Variants in ATP10B observed in about 807,000 individuals in gnomAD.
ATP10B encodes ATPase phospholipid transporting 10B (putative), also known as phospholipid-transporting ATPase VB.
ATP10B carries 122 observed loss-of-function variants against 141.2 expected under a neutral mutation model. That is an observed-to-expected ratio of 0.86 (90% confidence interval 0.75 to 1.00). ATP10B has a LOEUF of 1.00. Among genes scored for constraint, ATP10B ranks in the 50% least tolerant of loss-of-function variants. The pLI is 0.00. For synonymous variants in ATP10B, 685 were observed against 692.0 expected, an observed-to-expected ratio of 0.99 and a Z score of 0.16; for missense variants, 1,876 against 1,825.3, an observed-to-expected ratio of 1.03 and a Z score of -0.51.
chr5:160,661,303 AC>A (rs1278222135), intron 7 of ATP10B, among the ~76,000 whole-genome samples: 1 of 152,198 alleles, frequency 6.6e-6, no homozygotes, highest in Non-Finnish European at 1.5e-5. Context: ...TAAATGGGGC[AC>A]TTACAGAATA....
At chr5:160,639,143 C>A (rs939481298) in intron 10 of ATP10B, 1 of 152,324 alleles carries the variant, frequency 6.6e-6, no homozygotes, top group Non-Finnish European at 1.5e-5. Context: ...CAGCTGCCTG[C>A]CACATCCAGC....
chr5:160,591,688 ATT>A (rs1358331237), intron 22 of ATP10B, among the ~76,000 whole-genome samples: 1 of 152,178 alleles, frequency 6.6e-6, no homozygotes, highest in Admixed American at 6.5e-5. Flanking sequence ...CTTCTCAGGC[ATT>A]AATCTTTGTG....
chr5:160,789,289 C>T (rs1357354964), intron 1 of ATP10B, among the ~76,000 whole-genome samples: 1 of 151,886 alleles, frequency 6.6e-6, no homozygotes, highest in East Asian at 2.0e-4. Context: ...GGGATATGTT[C>T]TAAGAAATGC....
At chr5:160,860,643 C>T in the ATP10B span, among the ~76,000 whole-genome samples, 1 of 151,884 alleles carries the variant, frequency 6.6e-6, no homozygotes. Flanking sequence ...CTGCAGGTTG[C>T]CTTAGTGGAT....
intron 1 of ATP10B, among the ~76,000 whole-genome samples, chr5:160,848,350 GTATCACTCCCATTTGATAGATGAGAAAA>G (rs1227427570): frequency 1.2e-4 from 19 of 152,240 alleles, no homozygotes; most frequent in African/African-American, 4.6e-4. Flanking sequence ...TATGATGTTG[GTATCACTCCCATTTGATAGATGAGAAAA>G]TTGAGGCTTA....
intron 24 of ATP10B, among the ~76,000 whole-genome samples, chr5:160,579,977 T>C (rs1320023726): frequency 1.3e-5 from 2 of 152,180 alleles, no homozygotes; most frequent in African/African-American, 2.4e-5. Flanking sequence ...CTATTATTGG[T>C]GTATAGGAAT....
chr5:160,694,038 AAG>A (rs1764229596), intron 3 of ATP10B, among the ~76,000 whole-genome samples: 1 of 152,184 alleles, frequency 6.6e-6, no homozygotes, highest in Admixed American at 6.5e-5. Context: ...TGCTGAGGGC[AAG>A]AGAGAGTCTG....
chr5:160,869,564 T>A, the ATP10B span, among the ~76,000 whole-genome samples: 1 of 152,178 alleles, frequency 6.6e-6, no homozygotes, highest in African/African-American at 2.4e-5. Context: ...TGTAAGGATC[T>A]TAGAACTCAA....
At chr5:160,647,135 G>A (rs1004290390) in intron 8 of ATP10B, among the ~76,000 whole-genome samples, 1 of 152,166 alleles carries the variant, frequency 6.6e-6, no homozygotes, top group South Asian at 2.1e-4. Flanking sequence ...TTTCAAATTG[G>A]ACACCCTAAC....
chr5:160,844,949 T>C (rs1206161475), intron 1 of ATP10B, among the ~76,000 whole-genome samples: 3 of 152,190 alleles, frequency 2.0e-5, no homozygotes, highest in African/African-American at 7.2e-5. Context: ...AAATTACTAA[T>C]AGGATTTGTG....
intron 1 of ATP10B, among the ~76,000 whole-genome samples, chr5:160,810,618 A>C (rs939663625): frequency 1.3e-5 from 2 of 152,172 alleles, no homozygotes; most frequent in Non-Finnish European, 2.9e-5. Context: ...CTAAATGCTT[A>C]AATTTTCATA....
chr5:160,574,534 T>C (rs1301160032), intron 24 of ATP10B, among the ~76,000 whole-genome samples: 2 of 152,214 alleles, frequency 1.3e-5, no homozygotes. Flanking sequence ...ATTATAGCCA[T>C]GAAAAACAAA....
chr5:160,849,472 CCTT>C lies in ATP10B; in HGVS notation c.-576+2466_-576+2468del, dbSNP rs373334852. On this transcript the variant is annotated intron_variant, in intron 1 of 25. Coordinates refer to ENST00000327245, the MANE Select transcript of ATP10B (RefSeq NM_025153.3). ...TAACGAAAGCAGAAAATGAGATTCT[CCTT>C]CTTTTCTCCAGACGTTTAAGACAGT... Among the ~76,000 whole-genome samples, 511 of 152,274 alleles carry C rather than the reference CCTT, an allele frequency of 3.4e-3. 5 individuals carry two copies. Among genetic ancestry groups the C allele is most frequent in the African/African-American group, 0.012 (479 of 41,544 alleles).
chr5:160,668,226 CA>C (rs34528836), intron 7 of ATP10B, among the ~76,000 whole-genome samples: 58 of 112,720 alleles, frequency 5.1e-4, no homozygotes, highest in South Asian at 2.1e-3. Flanking sequence ...CGAGACTGTC[CA>C]AAAAAAAAAA....
At chr5:160,655,670 T>G (rs1761443784) in intron 7 of ATP10B, among the ~76,000 whole-genome samples, 1 of 152,158 alleles carries the variant, frequency 6.6e-6, no homozygotes, top group African/African-American at 2.4e-5. Context: ...GTAAGACCCC[T>G]TCTTTTATGG....
chr5:160,709,065 C>T (rs779794467), intron 3 of ATP10B, among the ~76,000 whole-genome samples: 2 of 152,138 alleles, frequency 1.3e-5, no homozygotes, highest in African/African-American at 4.8e-5. Flanking sequence ...CCATCAATAA[C>T]TCATATACCA....
chr5:160,722,794 C>T (rs1367106330), intron 2 of ATP10B, among the ~76,000 whole-genome samples: 1 of 152,162 alleles, frequency 6.6e-6, no homozygotes, highest in Non-Finnish European at 1.5e-5. Context: ...TCCAGCCATG[C>T]ACAGCAAGCC....
chr5:160,627,878 A>C (rs1376397639), intron 13 of ATP10B, among the ~76,000 whole-genome samples: 1 of 152,234 alleles, frequency 6.6e-6, no homozygotes, highest in Admixed American at 6.5e-5. Flanking sequence ...GGAAGGACAC[A>C]CAGAAGCTGC....
At chr5:160,874,078 G>A in the ATP10B span, among the ~76,000 whole-genome samples, 1 of 152,030 alleles carries the variant, frequency 6.6e-6, no homozygotes, top group Non-Finnish European at 1.5e-5. Flanking sequence ...CACCACTGGG[G>A]GCAGGGCACA....
Sources: allele counts gnomAD v4.1 joint callset (sites outside exome capture counted in the v4.1 genomes callset), GRCh38; gene constraint gnomAD v4.1.1; transcripts MANE v1.5; gene names NCBI Gene and HGNC (gene_info 2026-07-23, HGNC 2026-07-21).